Variants in TBPL2 observed in about 807,000 individuals in gnomAD.
TBPL2 encodes TATA-box binding protein like 2.
A neutral mutation model predicts 38.2 loss-of-function variants in TBPL2; 40 were observed. The ratio of observed to expected loss-of-function variants is 1.05; its 90% CI spans 0.81 to 1.36. TBPL2 has a LOEUF of 1.36. Ranked by LOEUF, TBPL2 falls within the 40% of genes most tolerant of loss-of-function variation. TBPL2 has a pLI of 0.00. For synonymous variants in TBPL2, 169 were observed against 171.7 expected (o/e 0.98, Z 0.12); for missense variants, 461 against 456.7 (o/e 1.01, Z -0.09).
chr14:55,422,288 A>G (rs1205038165), intron 6 of TBPL2, among the ~76,000 whole-genome samples: 1 of 152,144 alleles, frequency 6.6e-6, no homozygotes, highest in African/African-American at 2.4e-5. Context: ...AAATGTATAA[A>G]AAGACAAAAG....
chr14:55,423,929 AT>A (rs1340465460), intron 6 of TBPL2, among the ~76,000 whole-genome samples: 1 of 152,256 alleles, frequency 6.6e-6, no homozygotes. Flanking sequence ...CTGTAAAAAA[AT>A]CAGGATGTAA....
At chr14:55,439,088 C>T (rs149876367) in intron 1 of TBPL2, among the ~76,000 whole-genome samples, 1,936 of 151,858 alleles carry the variant, frequency 0.013, 48 homozygotes, top group African/African-American at 0.044. Flanking sequence ...CAGGCTCCTG[C>T]CACCACGCCC....
At chr14:55,436,962 C>G in exon 2 of TBPL2, 1 of 1,614,170 alleles carries the variant, frequency 6.2e-7, no homozygotes, top group Non-Finnish European at 8.5e-7. Flanking sequence ...TCAGTATGTA[C>G]ATATCATAAG....
At chr14:55,418,580 T>C (rs540431992) in intron 6 of TBPL2, among the ~76,000 whole-genome samples, 1 of 152,356 alleles carries the variant, frequency 6.6e-6, no homozygotes, top group Non-Finnish European at 1.5e-5. Context: ...GTCGTGTCTC[T>C]GGCCCACTCA....
At chr14:55,416,997 AAG>A (rs904211340) in intron 6 of TBPL2, among the ~76,000 whole-genome samples, 1 of 152,230 alleles carries the variant, frequency 6.6e-6, no homozygotes, top group Non-Finnish European at 1.5e-5. Flanking sequence ...AATCATAACT[AAG>A]AGCATTGCAT....
exon 4 of TBPL2, chr14:55,433,670 T>C: frequency 1.2e-6 from 2 of 1,614,126 alleles, no homozygotes; most frequent in Non-Finnish European, 1.7e-6. Flanking sequence ...GAGCTAAATA[T>C]AAGGGCTGTT....
intron 6 of TBPL2, 45 bp downstream of exon 6, chr14:55,424,114 A>G (rs1430863878): frequency 1.5e-6 from 2 of 1,357,848 alleles, no homozygotes; most frequent in African/African-American, 2.9e-5. Flanking sequence ...AAGCACATGC[A>G]TAGCAATTAC....
In TBPL2 at chr14:55,416,059, G is replaced by A. The variant is rs150504576; in HGVS notation, c.1052-1604C>T. Reference sequence around the variant, plus strand: ...GTTAAATCCATGGAGACAGAATTCAGATTGGTAGTTGCCAGGGGAAGTGAG... The same window carrying A: ...GTTAAATCCATGGAGACAGAATTCAAATTGGTAGTTGCCAGGGGAAGTGAG... On this transcript the variant is annotated intron_variant, in intron 6 of 6. Transcript: ENST00000247219. Among the ~76,000 whole-genome samples the A allele has an allele frequency of 5.3e-4, 80 of 152,282 alleles. 4 individuals are homozygous for A. The East Asian group carries it at 0.011, about 20-fold the overall frequency.
At position 55,440,385 on chromosome 14, in the gene TBPL2, G is replaced by T. The variant is rs1394813991; in HGVS notation, c.150+11C>A. The T allele has an allele frequency of 1.2e-6, 2 of 1,612,976 alleles. No individual in the cohort carries two copies. The highest frequency in any genetic ancestry group is 2.2e-5 in the East Asian group (1 of 44,868). On this transcript the variant is annotated intron_variant, in intron 1 of 6. Coordinates refer to ENST00000247219, the Ensembl canonical transcript of TBPL2. ...TGGGTCCTGACTCTGGGACAGTGGCGGCAGCCTCACCTGAGCGGCGCACTG... is the reference window on the plus strand; with the variant it reads ...TGGGTCCTGACTCTGGGACAGTGGCTGCAGCCTCACCTGAGCGGCGCACTG...
chr14:55,437,215 G>T (rs1340189312), intron 1 of TBPL2, among the ~76,000 whole-genome samples, 197 bp from the exon 2 acceptor site: 3 of 152,014 alleles, frequency 2.0e-5, no homozygotes, highest in East Asian at 3.8e-4. Flanking sequence ...GGTAGCTCAC[G>T]CCTGTAATCC....
chr14:55,427,006 C>A (rs1451876941), intron 5 of TBPL2, among the ~76,000 whole-genome samples: 1 of 152,196 alleles, frequency 6.6e-6, no homozygotes, highest in Admixed American at 6.5e-5. Context: ...TAGACACAAC[C>A]TTAGAGTTCG....
At chr14:55,414,681 A>G (rs1422347682) in intron 6 of TBPL2, among the ~76,000 whole-genome samples, 2 of 152,220 alleles carry the variant, frequency 1.3e-5, no homozygotes, top group African/African-American at 4.8e-5. Context: ...TGTGGGTGTC[A>G]TCTTTGCTCA....
At chr14:55,415,175 C>G (rs1391877922) in intron 6 of TBPL2, among the ~76,000 whole-genome samples, 2 of 152,120 alleles carry the variant, frequency 1.3e-5, no homozygotes, top group African/African-American at 4.8e-5. Flanking sequence ...ACTTGTACTA[C>G]TTATATTTAT....
At chr14:55,417,227 G>A (rs1885682033) in intron 6 of TBPL2, among the ~76,000 whole-genome samples, 1 of 152,086 alleles carries the variant, frequency 6.6e-6, no homozygotes, top group African/African-American at 2.4e-5. Flanking sequence ...CGTGTAACCG[G>A]TGTTCCTTCC....
At chr14:55,428,939 G>C in exon 5 of TBPL2, 1 of 1,614,116 alleles carries the variant, frequency 6.2e-7, no homozygotes, top group Non-Finnish European at 8.5e-7. Context: ...CACCACACGA[G>C]CATATTTTCT....
chr14:55,437,887 A>G (rs141876412), intron 1 of TBPL2, among the ~76,000 whole-genome samples: 166 of 152,354 alleles, frequency 1.1e-3, no homozygotes, highest in African/African-American at 3.9e-3. Context: ...TTACACTAGG[A>G]AAAAAGTTAT....
At position 55,422,391 on chromosome 14, in the gene TBPL2, G is replaced by A. The variant is rs541582812; in HGVS notation, c.1051+1768C>T. 9.9e-5 allele frequency among the ~76,000 whole-genome samples: 15 copies of A among 152,238 alleles called. No homozygotes were observed. In the South Asian group the frequency reaches 2.5e-3, roughly 25 times the overall value. On this transcript the variant is annotated intron_variant, in intron 6 of 6. Coordinates refer to ENST00000247219, the Ensembl canonical transcript of TBPL2. ...CTCCTGAGTAGCTGGGATTACAGGC[G>A]CTTGCCACTATGCCCAGCTAATTTT...
At chr14:55,440,605 C>T (rs1886097412) in exon 1 of TBPL2, 2 of 1,500,604 alleles carry the variant, frequency 1.3e-6, no homozygotes, top group East Asian at 2.3e-5. Flanking sequence ...GCAGAGGGCG[C>T]GAGAGAAGCG....
At chr14:55,423,410 A>G (rs1018141809) in intron 6 of TBPL2, among the ~76,000 whole-genome samples, 2 of 151,994 alleles carry the variant, frequency 1.3e-5, no homozygotes, top group South Asian at 2.1e-4. Flanking sequence ...GTCCACACTA[A>G]TATCATAATT....
Sources: allele counts gnomAD v4.1 joint callset (sites outside exome capture counted in the v4.1 genomes callset), GRCh38; gene constraint gnomAD v4.1.1; transcripts MANE v1.5; gene names NCBI Gene and HGNC (gene_info 2026-07-23, HGNC 2026-07-21).